Variants in NUP155 observed in about 807,000 individuals in gnomAD.
NUP155 encodes nucleoporin 155.
A neutral mutation model predicts 180.4 loss-of-function variants in NUP155; 71 were observed. The observed-to-expected ratio is 0.39, with a 90% CI of 0.33 to 0.48. NUP155 has a LOEUF of 0.48. Ranked by LOEUF, NUP155 falls within the 20% of genes least tolerant of loss-of-function variation. NUP155 has a pLI of 0.91. For missense variants in NUP155, 1,553 were observed against 1,648.9 expected (o/e 0.94, Z 1.01); for synonymous variants, 582 against 559.5 (o/e 1.04, Z -0.57).
intron 13 of NUP155, 110 bp downstream of exon 13, chr5:37,333,353 C>CA (rs1228813523): frequency 8.5e-3 from 7,371 of 872,124 alleles, no homozygotes; most frequent in Non-Finnish European, 0.01. Context: ...GACTCCGTCT[C>CA]AAAAAAAAAA....
chr5:37,317,152 G>T (rs1027189479), intron 21 of NUP155, among the ~76,000 whole-genome samples: 2 of 145,526 alleles, frequency 1.4e-5, no homozygotes, highest in African/African-American at 5.1e-5. Context: ...CTGGGCGACA[G>T]AGTGAGACTC....
intron 30 of NUP155, chr5:37,301,049 C>T (rs1328996359): frequency 4.4e-6 from 1 of 229,496 alleles, no homozygotes; most frequent in South Asian, 6.1e-5. Context: ...GTCTCAAACT[C>T]CTGACCTCAG....
At chr5:37,361,869 T>G (rs1747244927) in intron 3 of NUP155, among the ~76,000 whole-genome samples, 1 of 152,170 alleles carries the variant, frequency 6.6e-6, no homozygotes, top group Admixed American at 6.6e-5. Context: ...TGTGATAGTA[T>G]TTGTAGGTGG....
At chr5:37,307,575 G>A in intron 24 of NUP155, 143 bp from the exon 25 acceptor site, 1 of 817,144 alleles carries the variant, frequency 1.2e-6, no homozygotes, top group Non-Finnish European at 2.0e-6. Flanking sequence ...ATTTCTGATA[G>A]GTCTTCAGAA....
At chr5:37,359,081 G>T (rs535411343) in intron 3 of NUP155, among the ~76,000 whole-genome samples, 244 of 151,582 alleles carry the variant, frequency 1.6e-3, no homozygotes, top group African/African-American at 5.7e-3. Context: ...GGGTGAGGCA[G>T]GAGCCCAGGA....
Position 37,346,403 on chromosome 5 carries a change from G to C in NUP155, c.995+2102C>G, listed in dbSNP as rs1746088069. On this transcript the variant is annotated intron_variant, in intron 9 of 34. Transcript: ENST00000231498. ...AGAGTGTTTGCAGGTGGGGTGCAGT[G>C]GCTCACGCCTGTAATCCCAGCACTT... 3.9e-5 allele frequency among the ~76,000 whole-genome samples: 6 copies of C among 152,188 alleles called. No homozygotes were observed. The South Asian group carries it at 1.2e-3, about 31-fold the overall frequency.
In NUP155 at chr5:37,289,121, G is replaced by C. The variant is rs1742137539; in HGVS notation, c.*2779C>G. On this transcript the variant is annotated 3_prime_UTR_variant, in exon 35 of 35. Coordinates refer to ENST00000231498, the MANE Select transcript of NUP155 (RefSeq NM_153485.3). Reference sequence around the variant, plus strand: ...GATTGTGCCATTGCACTCCAGCCTGGGCAACAAGAGCAAAACTCAGTCTCA... The same window carrying C: ...GATTGTGCCATTGCACTCCAGCCTGCGCAACAAGAGCAAAACTCAGTCTCA... 6.3e-6 allele frequency: 1 copy of C among 159,598 alleles called. No individual in the cohort carries two copies. Among genetic ancestry groups the C allele is most frequent in the Non-Finnish European group, 1.3e-5 (1 of 74,256 alleles). 9.9% of individuals were successfully genotyped at this position (159,598 alleles called of 1,614,324 possible).
chr5:37,295,258 G>T (rs963042495), intron 32 of NUP155, among the ~76,000 whole-genome samples: 1 of 152,124 alleles, frequency 6.6e-6, no homozygotes, highest in South Asian at 2.1e-4. Context: ...TGTGTTGGCC[G>T]GGCTGGTCTC....
intron 6 of NUP155, 123 bp downstream of exon 6, chr5:37,351,067 A>G (rs1746425972): frequency 1.2e-6 from 1 of 815,258 alleles, no homozygotes; most frequent in Non-Finnish European, 2.0e-6. Flanking sequence ...CTTCAACTGT[A>G]TGCTTGAATA....
chr5:37,363,350 G>C (rs1177256473), intron 3 of NUP155, among the ~76,000 whole-genome samples: 1 of 152,122 alleles, frequency 6.6e-6, no homozygotes, highest in East Asian at 1.9e-4. Context: ...TGGACAACTG[G>C]AAGTAAAACA....
chr5:37,352,866 G>T (rs1186977159), intron 4 of NUP155, 37 bp from the exon 5 acceptor site: 30 of 1,389,174 alleles, frequency 2.2e-5, no homozygotes, highest in Non-Finnish European at 3.0e-5. Context: ...AATACTTTCA[G>T]CATTTAAGCA....
intron 25 of NUP155, among the ~76,000 whole-genome samples, chr5:37,306,232 A>G (rs1340263318): frequency 6.6e-6 from 1 of 151,694 alleles, no homozygotes; most frequent in Non-Finnish European, 1.5e-5. Context: ...CTCTACAGAA[A>G]TTAAAGAGAA....
At chr5:37,342,228 G>A (rs1433598380) in intron 10 of NUP155, among the ~76,000 whole-genome samples, 4 of 152,064 alleles carry the variant, frequency 2.6e-5, no homozygotes, top group Non-Finnish European at 5.9e-5. Flanking sequence ...TAGTAGAGAC[G>A]GGGTTACAGG....
At position 37,325,894 on chromosome 5, in the gene NUP155, C is replaced by T; in HGVS notation, c.2091+7G>A. 8 of 1,561,564 alleles carry T rather than the reference C, an allele frequency of 5.1e-6. No homozygotes were observed. Among genetic ancestry groups the T allele is most frequent in the Non-Finnish European group, 7.1e-6 (8 of 1,133,596 alleles). On this transcript the variant is annotated splice_region_variant and intron_variant, in intron 19 of 34. Transcript: ENST00000231498. ...AAAAATAACAAAATAATATTATACA[C>T]ACTTACTGCAGTGATCTCTCTGTTG...
chr5:37,350,014 C>G lies in NUP155; in HGVS notation c.829+146G>C, dbSNP rs568142968. ...TTCTCTAGGTTATGATCTCCTTACC[C>G]TTTAAAAGACCTTATGAATATATAA... is the stretch of plus-strand genomic sequence containing the variant. On this transcript the variant is annotated intron_variant, in intron 7 of 34. Transcript: ENST00000231498. 57 of 686,068 alleles carry G rather than the reference C, an allele frequency of 8.3e-5. 1 individual carries two copies. In the South Asian group the frequency reaches 9.3e-4, roughly 11 times the overall value. 42.5% of individuals were successfully genotyped at this position (686,068 alleles called of 1,614,324 possible). A position where few individuals can be genotyped will look rare whatever the true frequency, so the allele number is the denominator to read the frequency against.
chr5:37,333,406 AC>A, intron 13 of NUP155, 56 bp downstream of exon 13: 3 of 1,477,352 alleles, frequency 2.0e-6, no homozygotes, highest in South Asian at 1.1e-5. Context: ...AGAGAACTTG[AC>A]AAAAATATTA....
chr5:37,304,317 T>C (rs1466871420), intron 27 of NUP155, among the ~76,000 whole-genome samples: 1 of 149,286 alleles, frequency 6.7e-6, no homozygotes, highest in African/African-American at 2.5e-5. Flanking sequence ...TAAACTTTGA[T>C]AACACAGCTA....
rs188070062 is a variant in NUP155 at position 37,348,703 on chromosome 5, T to C, written c.904-107A>G. The stretch of plus-strand genomic sequence containing the variant: ...TTAATATTGGTATTTAATACAAACA[T>C]GAAAACATTCAGATTCGAAATTTCA... On this transcript the variant is annotated intron_variant, in intron 8 of 34. Transcript: ENST00000231498. 2.8e-3 allele frequency: 2,102 copies of C among 755,352 alleles called. 11 individuals are homozygous for C. The highest frequency in any genetic ancestry group is 3.6e-3 in the Non-Finnish European group (1,536 of 426,768). The allele number at this position is 755,352 out of a possible 1,614,324, so 46.8% of individuals were successfully genotyped here.
intron 9 of NUP155, 24 bp downstream of exon 9, chr5:37,348,481 G>A (rs367947254): frequency 2.9e-5 from 41 of 1,401,866 alleles, no homozygotes; most frequent in Non-Finnish European, 3.9e-5. Flanking sequence ...CAAATGAAAT[G>A]CTTAATAATA....
Sources: allele counts gnomAD v4.1 joint callset (sites outside exome capture counted in the v4.1 genomes callset), GRCh38; gene constraint gnomAD v4.1.1; transcripts MANE v1.5; gene names NCBI Gene and HGNC (gene_info 2026-07-23, HGNC 2026-07-21).